RPN2: variants seen among roughly 807,000 people sequenced by gnomAD.
RPN2 encodes the protein ribophorin II.
A neutral mutation model predicts 71.4 loss-of-function variants in RPN2; 29 were observed. The ratio of observed to expected loss-of-function variants is 0.41; its 90% CI spans 0.30 to 0.55. The LOEUF is 0.55. Ranked by LOEUF, RPN2 falls within the 20% of genes least tolerant of loss-of-function variation. RPN2 has a pLI of 0.35. For synonymous variants in RPN2, 308 were observed against 305.0 expected (o/e 1.01, Z -0.10); for missense variants, 726 against 774.1 (o/e 0.94, Z 0.74).
At chr20:37,201,699 G>C (rs962097788) in intron 4 of RPN2, among the ~76,000 whole-genome samples, 1 of 152,114 alleles carries the variant, frequency 6.6e-6, no homozygotes, top group African/African-American at 2.4e-5. Flanking sequence ...AGAATGTCTC[G>C]TAGGGTCATT....
At chr20:37,200,541 A>T (rs1466740464) in intron 4 of RPN2, 1 of 508,106 alleles carries the variant, frequency 2.0e-6, no homozygotes, top group Non-Finnish European at 4.0e-6. Context: ...ATTGTTTCCC[A>T]GGTTTTTTTG....
At chr20:37,195,739 C>G (rs1184304593) in intron 2 of RPN2, among the ~76,000 whole-genome samples, 1 of 152,144 alleles carries the variant, frequency 6.6e-6, no homozygotes, top group Non-Finnish European at 1.5e-5. Flanking sequence ...CAGATGGCGA[C>G]AAAGCACACA....
At chr20:37,190,632 A>T (rs575908472) in intron 2 of RPN2, among the ~76,000 whole-genome samples, 35 of 151,074 alleles carry the variant, frequency 2.3e-4, no homozygotes, top group African/African-American at 5.1e-4. Context: ...ATTGATTGAC[A>T]TTTTTTTTTC....
chr20:37,227,364 T>C (rs891685545), intron 11 of RPN2, among the ~76,000 whole-genome samples: 3 of 152,254 alleles, frequency 2.0e-5, no homozygotes, highest in African/African-American at 7.2e-5. Context: ...AGAATTCTGC[T>C]GTAGAATCAT....
intron 9 of RPN2, among the ~76,000 whole-genome samples, chr20:37,215,526 T>C (rs1172298335): frequency 1.3e-5 from 2 of 152,270 alleles, no homozygotes; most frequent in African/African-American, 4.8e-5. Flanking sequence ...GAAAGTTCTT[T>C]TTTTCTTTTC....
chr20:37,238,139 A>G (rs912077345), intron 16 of RPN2, among the ~76,000 whole-genome samples: 2 of 152,218 alleles, frequency 1.3e-5, no homozygotes, highest in African/African-American at 4.8e-5. Context: ...AGTTGTATGC[A>G]TTTTATGGGG....
chr20:37,224,635 G>T (rs1256060402), intron 10 of RPN2, among the ~76,000 whole-genome samples: 1 of 152,170 alleles, frequency 6.6e-6, no homozygotes, highest in African/African-American at 2.4e-5. Context: ...ACAGAGTTGG[G>T]CCAGAATGCT....
chr20:37,238,864 A>C, intron 16 of RPN2: 2 of 521,546 alleles, frequency 3.8e-6, no homozygotes, highest in Non-Finnish European at 3.8e-6. Flanking sequence ...CTGTTTCTAG[A>C]CTTTTCTGTA....
intron 2 of RPN2, among the ~76,000 whole-genome samples, chr20:37,195,286 C>T (rs996664873): frequency 1.3e-5 from 2 of 152,166 alleles, no homozygotes; most frequent in South Asian, 2.1e-4. Flanking sequence ...TAAACTCCGC[C>T]GTCAACATCT....
intron 16 of RPN2, chr20:37,238,397 G>A (rs2146720815): frequency 6.2e-7 from 1 of 1,607,078 alleles, no homozygotes; most frequent in Non-Finnish European, 8.5e-7. Flanking sequence ...TCTTTCCTTT[G>A]GCAGGATCGC....
intron 9 of RPN2, among the ~76,000 whole-genome samples, chr20:37,214,884 A>G (rs961816261): frequency 6.6e-6 from 1 of 152,122 alleles, no homozygotes; most frequent in Non-Finnish European, 1.5e-5. Context: ...GAGACTCTGT[A>G]AGTATCCTAA....
At chr20:37,233,891 T>A (rs2068313864) in intron 14 of RPN2, 129 bp from the exon 15 acceptor site, 1 of 1,015,220 alleles carries the variant, frequency 9.9e-7, no homozygotes, top group African/African-American at 1.6e-5. Context: ...TTGGAAGAAT[T>A]GCCTGTCCTT....
chr20:37,183,015 G>A (rs1305264579), intron 1 of RPN2, among the ~76,000 whole-genome samples: 1 of 152,040 alleles, frequency 6.6e-6, no homozygotes, highest in Non-Finnish European at 1.5e-5. Flanking sequence ...TGGAAATACT[G>A]GGATGAACAA....
intron 16 of RPN2, among the ~76,000 whole-genome samples, chr20:37,239,775 C>G (rs1451151743): frequency 6.6e-6 from 1 of 152,146 alleles, no homozygotes; most frequent in African/African-American, 2.4e-5. Flanking sequence ...AGAGTCCGAC[C>G]CTTCTCCCAC....
At chr20:37,180,612 G>A (rs1352473983) in intron 1 of RPN2, among the ~76,000 whole-genome samples, 1 of 152,106 alleles carries the variant, frequency 6.6e-6, no homozygotes, top group African/African-American at 2.4e-5. Flanking sequence ...TTGGGTACCC[G>A]CCTGTGCACA....
chr20:37,210,315 T>A, intron 8 of RPN2, 150 bp downstream of exon 8: 1 of 1,454,044 alleles, frequency 6.9e-7, no homozygotes, highest in Non-Finnish European at 9.3e-7. Flanking sequence ...AAATGATTTT[T>A]AAAATGAAGA....
chr20:37,224,126 G>A (rs1395458019), intron 10 of RPN2, among the ~76,000 whole-genome samples, 157 bp downstream of exon 10: 3 of 152,180 alleles, frequency 2.0e-5, no homozygotes, highest in South Asian at 2.1e-4. Context: ...GTCCTGCACC[G>A]GGGATTCTGC....
intron 2 of RPN2, among the ~76,000 whole-genome samples, chr20:37,186,722 T>G (rs2067017518): frequency 1.3e-5 from 2 of 152,224 alleles, no homozygotes; most frequent in Admixed American, 6.5e-5. Flanking sequence ...CTAAAGAAGG[T>G]CTACACATTC....
At chr20:37,227,873 C>G (rs956781849) in intron 11 of RPN2, among the ~76,000 whole-genome samples, 2 of 152,160 alleles carry the variant, frequency 1.3e-5, no homozygotes, top group South Asian at 2.1e-4. Flanking sequence ...TAGCATATAC[C>G]GTTCCCTGCA....
Sources: allele counts gnomAD v4.1 joint callset (sites outside exome capture counted in the v4.1 genomes callset), GRCh38; gene constraint gnomAD v4.1.1; transcripts MANE v1.5; gene names NCBI Gene and HGNC (gene_info 2026-07-23, HGNC 2026-07-21).